Variants in AP1G1 observed in about 807,000 individuals in gnomAD.
AP1G1 encodes the protein AP-1 complex subunit gamma-1.
A neutral mutation model predicts 108.3 loss-of-function variants in AP1G1; 7 were observed. The ratio of observed to expected loss-of-function variants is 0.06; its 90% CI spans 0.04 to 0.12. AP1G1 has a LOEUF of 0.12. Ranked by LOEUF, AP1G1 falls within the 10% of genes least tolerant of loss-of-function variation. The probability of loss-of-function intolerance (pLI) is 1.00; values close to 1 mark genes in which losing one functional copy is unlikely to be tolerated. For synonymous variants in AP1G1, 379 were observed against 353.5 expected (o/e 1.07, Z -0.81); for missense variants, 756 against 1,010.7 (o/e 0.75, Z 3.42).
chr16:71,746,086 T>G (rs573534055), intron 17 of AP1G1, among the ~76,000 whole-genome samples: 1 of 152,258 alleles, frequency 6.6e-6, no homozygotes, highest in South Asian at 2.1e-4. Context: ...CTTGGCTCAC[T>G]GAAACATCCG....
chr16:71,761,648 A>C, intron 9 of AP1G1, 81 bp from the exon 10 acceptor site: 3 of 1,037,296 alleles, frequency 2.9e-6, no homozygotes, highest in East Asian at 2.4e-5. Context: ...TCACTTCATG[A>C]CCTCTGGTGC....
intron 7 of AP1G1, 87 bp from the exon 8 acceptor site, chr16:71,764,813 A>AT: frequency 3.8e-6 from 3 of 791,898 alleles, no homozygotes; most frequent in Non-Finnish European, 6.1e-6. Context: ...AACTAAATGA[A>AT]GTCTTAGAAA....
intron 1 of AP1G1, chr16:71,807,984 TCATAAA>T (rs1429239901): frequency 1.6e-6 from 2 of 1,229,350 alleles, no homozygotes; most frequent in East Asian, 1.1e-4. Flanking sequence ...TTAATCTGCT[TCATAAA>T]CATAATCTGC....
intron 1 of AP1G1, among the ~76,000 whole-genome samples, chr16:71,806,031 TAAA>T (rs10605748): frequency 2.8e-3 from 422 of 149,072 alleles, no homozygotes; most frequent in African/African-American, 9.0e-3. Context: ...ATAAAAATAA[TAAA>T]AAAAAAAAAA....
At chr16:71,772,160 T>G (rs962420709) in intron 4 of AP1G1, among the ~76,000 whole-genome samples, 1 of 151,172 alleles carries the variant, frequency 6.6e-6, no homozygotes, top group Non-Finnish European at 1.5e-5. Flanking sequence ...AGACGGAGTC[T>G]CGCTCAGTCG....
intron 9 of AP1G1, among the ~76,000 whole-genome samples, chr16:71,762,240 A>G (rs896569887): frequency 2.0e-5 from 3 of 152,130 alleles, no homozygotes; most frequent in Non-Finnish European, 4.4e-5. Context: ...GTTAAATGAA[A>G]TAAGATAATC....
chr16:71,755,332 G>C (rs1348598887), intron 12 of AP1G1, among the ~76,000 whole-genome samples: 1 of 152,090 alleles, frequency 6.6e-6, no homozygotes, highest in Non-Finnish European at 1.5e-5. Flanking sequence ...AGCTACTTGG[G>C]GGGCTGAGGC....
At chr16:71,750,081 G>A in intron 14 of AP1G1, 98 bp from the exon 15 acceptor site, 1 of 1,463,516 alleles carries the variant, frequency 6.8e-7, no homozygotes, top group East Asian at 2.3e-5. Flanking sequence ...TCAAAACTGT[G>A]CATATCTAGA....
At chr16:71,754,198 G>A (rs553636041) in intron 12 of AP1G1, among the ~76,000 whole-genome samples, 5 of 148,482 alleles carry the variant, frequency 3.4e-5, no homozygotes, top group East Asian at 2.0e-4. Flanking sequence ...AGAAGAGAGA[G>A]AAAAGAAAGA....
intron 1 of AP1G1, chr16:71,808,284 C>G (rs1283024698): frequency 1.1e-6 from 1 of 892,954 alleles, no homozygotes; most frequent in African/African-American, 1.8e-5. Flanking sequence ...TGTCCGGTTC[C>G]GAGAGGACGG....
At chr16:71,769,523 C>G (rs775046848) in intron 6 of AP1G1, 100 bp downstream of exon 6, 1 of 1,153,094 alleles carries the variant, frequency 8.7e-7, no homozygotes. Flanking sequence ...TATTCAGATC[C>G]ATAGCTTGCT....
chr16:71,763,908 T>C (rs998500219), intron 9 of AP1G1, among the ~76,000 whole-genome samples: 2 of 152,212 alleles, frequency 1.3e-5, no homozygotes, highest in Admixed American at 1.3e-4. Flanking sequence ...GTCATTAGAA[T>C]ACATCTTAAT....
intron 1 of AP1G1, among the ~76,000 whole-genome samples, chr16:71,792,791 T>A (rs1016286929): frequency 6.6e-6 from 1 of 150,682 alleles, no homozygotes; most frequent in Non-Finnish European, 1.5e-5. Context: ...GAAGTGGAGA[T>A]TGCAGTGAGT....
At chr16:71,807,843 G>A (rs2033046604) in intron 1 of AP1G1, 1 of 1,289,238 alleles carries the variant, frequency 7.8e-7, no homozygotes, top group Non-Finnish European at 1.0e-6. Flanking sequence ...TCCGTGCTCA[G>A]GGATATATAA....
In AP1G1 at chr16:71,746,582, G is replaced by A. The variant is rs2270832; in HGVS notation, c.1730+6C>T. ...ATACACGCATTGCTTAGTTTCTTTC[G>A]CTCACCTCATGTGGTCATATTTCTT... On this transcript the variant is annotated splice_donor_region_variant and intron_variant, in intron 17 of 22. Coordinates refer to ENST00000299980, the MANE Select transcript of AP1G1 (RefSeq NM_001128.6). 568,510 of 1,566,552 alleles carry A rather than the reference G, an allele frequency of 0.36. 109,299 individuals are homozygous for A. The highest frequency in any genetic ancestry group is 0.71 in the East Asian group (31,294 of 44,264).
chr16:71,767,916 C>A (rs758177867), intron 6 of AP1G1: 2 of 1,598,016 alleles, frequency 1.3e-6, no homozygotes, highest in Non-Finnish European at 1.7e-6. Flanking sequence ...AAACAGACAA[C>A]AGGAACAAAA....
chr16:71,804,244 A>C lies in AP1G1; in HGVS notation c.-4+4519T>G, dbSNP rs552768518. On this transcript the variant is annotated intron_variant, in intron 1 of 22. Coordinates refer to ENST00000299980, the MANE Select transcript of AP1G1 (RefSeq NM_001128.6). ...CTATTTTTTTGTAGAGATGGGGTTTAACCATGTTGGCCAGGATGGTCTCGA... is the reference window on the plus strand; with the variant it reads ...CTATTTTTTTGTAGAGATGGGGTTTCACCATGTTGGCCAGGATGGTCTCGA... 3.3e-5 allele frequency among the ~76,000 whole-genome samples: 5 copies of C among 151,630 alleles called. No individual in the cohort carries two copies. The East Asian group carries it at 7.8e-4, about 24-fold the overall frequency.
At chr16:71,780,872 G>C (rs943516355) in intron 2 of AP1G1, among the ~76,000 whole-genome samples, 1 of 150,446 alleles carries the variant, frequency 6.6e-6, no homozygotes, top group Non-Finnish European at 1.5e-5. Context: ...AGGCTGGAGC[G>C]GGGTTTCACC....
chr16:71,791,763 CTTTT>C (rs34099153), intron 1 of AP1G1, among the ~76,000 whole-genome samples: 1 of 113,352 alleles, frequency 8.8e-6, no homozygotes. Context: ...TAAACTCTGA[CTTTT>C]TTTTTTTTTT....
Sources: gnomAD v4.1 joint callset for allele counts (sites outside exome capture counted in the v4.1 genomes callset) on GRCh38, gnomAD v4.1.1 for gene constraint, MANE v1.5 for transcripts, NCBI Gene and HGNC (gene_info 2026-07-23, HGNC 2026-07-21) for gene names.